CEP170: variants seen among roughly 807,000 people sequenced by gnomAD.
CEP170 encodes the protein centrosomal protein of 170 kDa.
CEP170 carries 21 observed loss-of-function variants against 151.9 expected under a neutral mutation model. That is an observed-to-expected ratio of 0.14 (90% CI 0.10 to 0.20). The LOEUF (loss-of-function observed/expected upper bound fraction) is 0.20, where lower values mean the gene tolerates loss of function less well. Ranked by LOEUF, CEP170 falls within the 10% of genes least tolerant of loss-of-function variation. CEP170 has a pLI of 1.00. For missense variants in CEP170, 964 were observed against 1,892.9 expected, an observed-to-expected ratio of 0.51 and a Z score of 9.11; for synonymous variants, 356 against 648.8, an observed-to-expected ratio of 0.55 and a Z score of 6.86.
chr1:243,227,936 C>T (rs1372711748), intron 1 of CEP170, among the ~76,000 whole-genome samples: 2 of 152,170 alleles, frequency 1.3e-5, no homozygotes, highest in Non-Finnish European at 2.9e-5. Context: ...CCTGGTTCCA[C>T]CACTTTTTAT....
intron 10 of CEP170, among the ~76,000 whole-genome samples, chr1:243,173,292 T>A (rs1437686687): frequency 6.6e-6 from 1 of 151,622 alleles, no homozygotes; most frequent in East Asian, 2.0e-4. Flanking sequence ...ACTCCCGACC[T>A]CAGGTGATCT....
rs566845128 is a variant in CEP170, at chr1:243,228,813, G to A, written c.-41-3492C>T. Reference sequence around the variant, plus strand: ...ATAAACATACAATAATTATACAGTTGGATAAAATAAAATAAAAACAATGGC... The same window carrying A: ...ATAAACATACAATAATTATACAGTTAGATAAAATAAAATAAAAACAATGGC... On this transcript the variant is annotated intron_variant, in intron 1 of 19. Coordinates refer to ENST00000366542, the MANE Select transcript of CEP170 (RefSeq NM_014812.3). Among the ~76,000 whole-genome samples, 7 of 151,922 alleles carry A rather than the reference G, an allele frequency of 4.6e-5. No homozygotes were observed. The South Asian group carries it at 8.3e-4, about 18-fold the overall frequency.
At chr1:243,234,037 A>G (rs2064030537) in intron 1 of CEP170, among the ~76,000 whole-genome samples, 1 of 152,172 alleles carries the variant, frequency 6.6e-6, no homozygotes, top group South Asian at 2.1e-4. Flanking sequence ...GCTAAAACAC[A>G]TGTTAAGGGC....
intron 3 of CEP170, among the ~76,000 whole-genome samples, chr1:243,218,917 C>T (rs1459620487): frequency 6.6e-6 from 1 of 152,162 alleles, no homozygotes; most frequent in Non-Finnish European, 1.5e-5. Context: ...TTCATAACCA[C>T]TACACTGTGT....
intron 4 of CEP170, among the ~76,000 whole-genome samples, chr1:243,207,498 A>G (rs1383301582): frequency 6.6e-6 from 1 of 152,108 alleles, no homozygotes; most frequent in Admixed American, 6.5e-5. Flanking sequence ...AATCAGTAAA[A>G]TACAGCAGAC....
chr1:243,168,335 C>T (rs537223037), intron 12 of CEP170: 5 of 152,006 alleles, frequency 3.3e-5, no homozygotes, highest in African/African-American at 1.2e-4. Context: ...CCATTTTCAA[C>T]CGGAATGAAA....
At position 243,164,926 on chromosome 1, in the gene CEP170, T is replaced by C. The variant is rs759025207; in HGVS notation, c.3034A>G (p.Ser1012Gly). The C allele has an allele frequency of 6.2e-7, 1 of 1,613,882 alleles. No individual in the cohort carries two copies. The highest frequency in any genetic ancestry group is 8.5e-7 in the Non-Finnish European group (1 of 1,179,740). The stretch of plus-strand genomic sequence containing the variant: ...ACTGAGGGCTGTCTTATTCTCCCAC[T>C]GGACTGAACAAATTTACGACCATCT... ...RADGRKFVQS[S>G]GRIRQPSVDL... The change falls in exon 13 of 20, where the codon AGT (serine) becomes GGT (glycine). Residue 1012 changes from serine to glycine, a missense_variant. By Grantham distance (56) the Ser-to-Gly change is moderately conservative. Transcript: ENST00000366542.
intron 8 of CEP170, among the ~76,000 whole-genome samples, chr1:243,187,275 A>C (rs185570838): frequency 1.4e-4 from 21 of 152,326 alleles, no homozygotes; most frequent in Admixed American, 1.2e-3. Flanking sequence ...AGCAAGTAAA[A>C]GCCACTAGTT....
chr1:243,170,326 A>G (rs1322548576), intron 11 of CEP170, among the ~76,000 whole-genome samples: 3 of 152,128 alleles, frequency 2.0e-5, no homozygotes, highest in Non-Finnish European at 4.4e-5. Flanking sequence ...TGGAGGTTGC[A>G]GTGAGCTGAG....
chr1:243,133,298 G>C (rs1316417526), intron 17 of CEP170, among the ~76,000 whole-genome samples: 1 of 152,128 alleles, frequency 6.6e-6, no homozygotes, highest in Non-Finnish European at 1.5e-5. Flanking sequence ...TCAAATGTGA[G>C]GACATCAAAA....
chr1:243,152,377 A>G (rs951635834), intron 14 of CEP170, among the ~76,000 whole-genome samples: 5 of 151,186 alleles, frequency 3.3e-5, no homozygotes, highest in Non-Finnish European at 5.9e-5. Context: ...GCCCGCCACC[A>G]CGCCCGGCTA....
At chr1:243,140,672 A>C (rs1236461450) in intron 15 of CEP170, 2 of 152,328 alleles carry the variant, frequency 1.3e-5, no homozygotes, top group Admixed American at 1.3e-4. Flanking sequence ...ATTCTAATAG[A>C]AATGATATAC....
At chr1:243,214,291 T>G (rs1232843023) in intron 3 of CEP170, among the ~76,000 whole-genome samples, 2 of 146,740 alleles carry the variant, frequency 1.4e-5, no homozygotes, top group Non-Finnish European at 3.0e-5. Flanking sequence ...TTTTTTTTTT[T>G]TTTTTTTTTT....
At chr1:243,128,591 G>A (rs1287737788) in intron 18 of CEP170, 6 of 267,232 alleles carry the variant, frequency 2.2e-5, no homozygotes, top group Non-Finnish European at 4.2e-5. Flanking sequence ...TTTTGAGACC[G>A]AGTCTCACTC....
Position 243,127,401 on chromosome 1 carries a change from C to T in CEP170, c.4466-663G>A, listed in dbSNP as rs376604326. Among the ~76,000 whole-genome samples, 60 of 152,122 alleles carry T rather than the reference C, an allele frequency of 3.9e-4. No individual in the cohort carries two copies. In the East Asian group the frequency reaches 8.1e-3, roughly 21 times the overall value. On this transcript the variant is annotated intron_variant, in intron 19 of 19. Transcript: ENST00000366542. ...TGGGTTGACATGGAAAGTTCTCAGG[C>T]GGTGATTTTCAATTTGGCATTGGGC...
chr1:243,130,316 C>T (rs1229314505), intron 17 of CEP170, among the ~76,000 whole-genome samples: 1 of 152,120 alleles, frequency 6.6e-6, no homozygotes, highest in East Asian at 1.9e-4. Flanking sequence ...ACTTACTGTG[C>T]TTTTCTTTAA....
intron 15 of CEP170, among the ~76,000 whole-genome samples, chr1:243,141,746 A>G (rs2055857562): frequency 6.6e-6 from 1 of 152,232 alleles, no homozygotes; most frequent in Admixed American, 6.5e-5. Context: ...TAGTCTATAC[A>G]TGGTAACTTG....
At chr1:243,208,210 C>G (rs1035105153) in intron 4 of CEP170, among the ~76,000 whole-genome samples, 1 of 152,012 alleles carries the variant, frequency 6.6e-6, no homozygotes, top group African/African-American at 2.4e-5. Context: ...GATATATCAC[C>G]CTGGTCCAAA....
intron 14 of CEP170, among the ~76,000 whole-genome samples, chr1:243,153,599 C>T (rs1162805581): frequency 6.6e-6 from 1 of 152,194 alleles, no homozygotes; most frequent in Non-Finnish European, 1.5e-5. Flanking sequence ...TGATGACTTA[C>T]TGAAGGCTCA....
Sources: allele counts gnomAD v4.1 joint callset (sites outside exome capture counted in the v4.1 genomes callset), GRCh38; gene constraint gnomAD v4.1.1; transcripts MANE v1.5; gene names NCBI Gene and HGNC (gene_info 2026-07-23, HGNC 2026-07-21).